NACC1: variants seen among roughly 807,000 people sequenced by gnomAD.
The protein encoded by NACC1 is nucleus accumbens associated 1, also known as nucleus accumbens-associated protein 1.
Under a neutral mutation model 41.7 loss-of-function variants are expected in NACC1, and 6 were observed. That is an observed-to-expected ratio of 0.14 (90% CI 0.08 to 0.28). NACC1 has a LOEUF of 0.28. NACC1 is among the 10% of genes least tolerant of loss of function. The probability of loss-of-function intolerance (pLI) is 1.00; values close to 1 mark genes in which losing one functional copy is unlikely to be tolerated. For synonymous variants in NACC1, 338 were observed against 330.6 expected, an observed-to-expected ratio of 1.02 and a Z score of -0.24; for missense variants, 434 against 763.7, an observed-to-expected ratio of 0.57 and a Z score of 5.09.
upstream of NACC1, chr19:13,117,657 G>C (rs187912253): frequency 6.6e-6 from 1 of 151,304 alleles, no homozygotes; most frequent in South Asian, 2.1e-4. Flanking sequence ...GGGTGCAAGC[G>C]ATTCTTCTGC....
intron 1 of NACC1, among the ~76,000 whole-genome samples, chr19:13,123,792 C>T (rs905521423): frequency 6.6e-6 from 1 of 152,204 alleles, no homozygotes; most frequent in African/African-American, 2.4e-5. Flanking sequence ...AGCTGCCTCA[C>T]ATTTTTGCCT....
intron 1 of NACC1, among the ~76,000 whole-genome samples, chr19:13,131,309 G>T (rs953107055): frequency 2.6e-5 from 4 of 152,178 alleles, no homozygotes; most frequent in Non-Finnish European, 4.4e-5. Flanking sequence ...CACCTGTCCT[G>T]GCTTTGTCCT....
Position 13,139,492 on chromosome 19 carries a change from ATG to A in NACC1, c.*1097_*1098del, listed in dbSNP as rs981548817. The A allele has an allele frequency of 2.6e-5, 4 of 151,990 alleles. No homozygotes were observed. Among genetic ancestry groups the A allele is most frequent in the South Asian group, 2.1e-4 (1 of 4,794 alleles). The allele number at this position is 151,990 out of a possible 1,614,324, so 9.4% of individuals were successfully genotyped here. A position where few individuals can be genotyped will look rare whatever the true frequency, so the allele number is the denominator to read the frequency against. ...GTTGGGGGGCTGGGGGGCAGGCTGA[ATG>A]TGTGTGTGTGGGTGTGTATGTGTGG... is the stretch of plus-strand genomic sequence containing the variant. On this transcript the variant is annotated 3_prime_UTR_variant, in exon 6 of 6. Transcript: ENST00000292431.
At chr19:13,127,371 CTTTTTT>C (rs147514422) in intron 1 of NACC1, among the ~76,000 whole-genome samples, 88 of 28,510 alleles carry the variant, frequency 3.1e-3, no homozygotes, top group African/African-American at 0.011. Flanking sequence ...TATACATATA[CTTTTTT>C]TTTTTTTTTT....
intron 1 of NACC1, among the ~76,000 whole-genome samples, chr19:13,118,997 A>T (rs1241252953): frequency 2.3e-5 from 3 of 132,330 alleles, no homozygotes; most frequent in Admixed American, 8.6e-5. Flanking sequence ...GTGTGGGCGG[A>T]GTTACTTCGT....
chr19:13,121,981 G>T (rs961400229), intron 1 of NACC1, among the ~76,000 whole-genome samples: 1 of 152,100 alleles, frequency 6.6e-6, no homozygotes, highest in African/African-American at 2.4e-5. Flanking sequence ...CATGTTCCTC[G>T]TGTCTGCATT....
At chr19:13,122,523 CGGGG>C (rs79172329) in intron 1 of NACC1, among the ~76,000 whole-genome samples, 3 of 76,882 alleles carry the variant, frequency 3.9e-5, no homozygotes, top group Non-Finnish European at 8.2e-5. Flanking sequence ...TTGCCCCTGC[CGGGG>C]GGGGGGGGGT....
intron 1 of NACC1, among the ~76,000 whole-genome samples, chr19:13,125,097 G>A (rs1237191150): frequency 6.6e-6 from 1 of 152,054 alleles, no homozygotes; most frequent in African/African-American, 2.4e-5. Context: ...GGAGTTTGAC[G>A]CTATAGTGAT....
At chr19:13,116,910 G>C (rs2019390933), upstream of NACC1, 1 of 165,468 alleles carries the variant, frequency 6.0e-6, no homozygotes, top group African/African-American at 2.4e-5. Context: ...TCACAGATGA[G>C]GAAGTTGTGG....
intron 1 of NACC1, among the ~76,000 whole-genome samples, chr19:13,123,793 A>G (rs545756181): frequency 2.0e-5 from 3 of 152,124 alleles, no homozygotes; most frequent in Admixed American, 1.3e-4. Context: ...GCTGCCTCAC[A>G]TTTTTGCCTG....
intron 1 of NACC1, among the ~76,000 whole-genome samples, chr19:13,129,574 C>T (rs2019606263): frequency 6.6e-6 from 1 of 152,188 alleles, no homozygotes. Flanking sequence ...GCATTCAGGT[C>T]ACTGTGGCTC....
At chr19:13,129,995 CTGTTT>C (rs1319109564) in intron 1 of NACC1, among the ~76,000 whole-genome samples, 2 of 151,648 alleles carry the variant, frequency 1.3e-5, no homozygotes, top group Non-Finnish European at 2.9e-5. Flanking sequence ...CCGTTCTGCA[CTGTTT>C]TGTTTGTTTG....
intron 1 of NACC1, among the ~76,000 whole-genome samples, chr19:13,121,829 G>A (rs1271226698): frequency 6.6e-6 from 1 of 152,098 alleles, no homozygotes; most frequent in African/African-American, 2.4e-5. Context: ...GTACACACTC[G>A]AACTCATTTA....
rs1284987950 is a variant in NACC1, at chr19:13,118,311, CGCTGCT to C, written c.-147_-142del. 6.8e-6 allele frequency: 1 copy of C among 147,600 alleles called. No individual in the cohort carries two copies. Among genetic ancestry groups the C allele is most frequent in the African/African-American group, 2.4e-5 (1 of 40,972 alleles). 9.1% of individuals were successfully genotyped at this position (147,600 alleles called of 1,614,324 possible). On this transcript the variant is annotated 5_prime_UTR_variant, in exon 1 of 6. The change creates a premature stop within an existing upstream ORF in the 5' untranslated region. Coordinates refer to ENST00000292431, the MANE Select transcript of NACC1 (RefSeq NM_052876.4). ...CACAATGAATGGCCGCCGCGGCTGC[CGCTGCT>C]GCTGAGGCGGAGGCCGCGGAGGCCG...
In NACC1 at chr19:13,138,766, G is replaced by A. The variant is rs925244345; in HGVS notation, c.*360G>A. On this transcript the variant is annotated 3_prime_UTR_variant, in exon 6 of 6. Transcript: ENST00000292431. This position sits in a 1 kb window ranked among gnomAD's most constrained non-coding sequence, Gnocchi z 5.7. ...CCCTCCCCAGGCCCTAGGCCACCTCGCGGAAGCCTTCAGCCTCCGCCCCTC... is the reference window on the plus strand; with the variant it reads ...CCCTCCCCAGGCCCTAGGCCACCTCACGGAAGCCTTCAGCCTCCGCCCCTC... 3.1e-4 allele frequency: 88 copies of A among 279,538 alleles called. No homozygotes were observed. The highest frequency in any genetic ancestry group is 3.9e-4 in the African/African-American group (18 of 46,202). 17.3% of individuals were successfully genotyped at this position (279,538 alleles called of 1,614,324 possible).
upstream of NACC1, chr19:13,116,885 G>GT (rs147300180): frequency 0.062 from 10,618 of 172,508 alleles, 455 homozygotes; most frequent in African/African-American, 0.11. Flanking sequence ...GAGAGGACAC[G>GT]TCCCTAGTCC....
chr19:13,134,471 A>G (rs959508073), intron 1 of NACC1, among the ~76,000 whole-genome samples: 1 of 152,032 alleles, frequency 6.6e-6, no homozygotes, highest in East Asian at 1.9e-4. Flanking sequence ...CCTGGGTTCA[A>G]GTAATTATCT....
chr19:13,132,408 TA>T (rs34652828), intron 1 of NACC1: 20,515 of 114,626 alleles, frequency 0.18, 1,650 homozygotes, highest in Non-Finnish European at 0.19. Flanking sequence ...GACTCTGTCT[TA>T]AAAAAAAAAA....
At chr19:13,130,161 CTAACTT>C (rs1296959051) in intron 1 of NACC1, among the ~76,000 whole-genome samples, 6 of 152,146 alleles carry the variant, frequency 3.9e-5, no homozygotes, top group Non-Finnish European at 8.8e-5. Context: ...ACTGCAGCCT[CTAACTT>C]TTTGGCTCAA....
Sources: allele counts gnomAD v4.1 joint callset (sites outside exome capture counted in the v4.1 genomes callset), GRCh38; gene constraint gnomAD v4.1.1; non-coding constraint Gnocchi (gnomAD v3.1); transcripts MANE v1.5; gene names NCBI Gene and HGNC (gene_info 2026-07-23, HGNC 2026-07-21).